The following TEAD4 variants were observed in gnomAD, a reference collection of about 807,000 sequenced individuals.
The protein encoded by TEAD4 is transcriptional enhancer factor TEF-3.
Under a neutral mutation model 52.4 loss-of-function variants are expected in TEAD4, and 36 were observed. The ratio of observed to expected loss-of-function variants is 0.69; its 90% confidence interval spans 0.53 to 0.91. The LOEUF (loss-of-function observed/expected upper bound fraction) is 0.91, where lower values mean the gene tolerates loss of function less well. Among genes scored for constraint, TEAD4 ranks in the 40% least tolerant of loss-of-function variants. The probability of loss-of-function intolerance (pLI) is 0.00; values close to 1 mark genes in which losing one functional copy is unlikely to be tolerated. For synonymous variants in TEAD4, 220 were observed against 231.0 expected (o/e 0.95, Z 0.43); for missense variants, 508 against 583.9 (o/e 0.87, Z 1.34).
chr12:3,039,238 T>C (rs150857233), intron 11 of TEAD4, among the ~76,000 whole-genome samples: 77 of 152,300 alleles, frequency 5.1e-4, no homozygotes, highest in East Asian at 4.6e-3. Context: ...CAGGCATTAG[T>C]GGTTTTTAAA....
intron 10 of TEAD4, among the ~76,000 whole-genome samples, chr12:3,023,974 A>G (rs1418601638): frequency 1.3e-5 from 2 of 152,028 alleles, no homozygotes; most frequent in East Asian, 3.9e-4. Flanking sequence ...TTATATTTTC[A>G]TTTCATTATG....
At position 2,994,646 on chromosome 12, in the gene TEAD4, A is replaced by T; in HGVS notation, c.-29-92A>T. On this transcript the variant is annotated intron_variant, in intron 2 of 12. Coordinates refer to ENST00000359864, the MANE Select transcript of TEAD4 (RefSeq NM_003213.4). The surrounding 1 kb of genome is among the most constrained non-coding windows in gnomAD (Gnocchi z 4.7). Reference sequence around the variant, plus strand: ...TCACGCTTTGCTTCCTGAGCAACTGATTCGGGCTCTGGCACTCCCCGGAGT... The same window carrying T: ...TCACGCTTTGCTTCCTGAGCAACTGTTTCGGGCTCTGGCACTCCCCGGAGT... 2 of 1,435,794 alleles carry T rather than the reference A, an allele frequency of 1.4e-6. No individual in the cohort carries two copies. Among genetic ancestry groups the T allele is most frequent in the Non-Finnish European group, 9.1e-7 (1 of 1,095,768 alleles). The allele number at this position is 1,435,794 out of a possible 1,614,324, so 88.9% of individuals were successfully genotyped here.
At chr12:2,996,157 A>G (rs1356988544) in intron 3 of TEAD4, among the ~76,000 whole-genome samples, 1 of 152,192 alleles carries the variant, frequency 6.6e-6, no homozygotes, top group Non-Finnish European at 1.5e-5. Context: ...GTGGGTCTCT[A>G]AATGGCTGAA....
chr12:3,024,611 C>A (rs1040369051), intron 10 of TEAD4, among the ~76,000 whole-genome samples: 11 of 152,028 alleles, frequency 7.2e-5, no homozygotes, highest in Non-Finnish European at 1.5e-4. Flanking sequence ...GAGCCAAAAT[C>A]GCACCATTGC....
At chr12:2,995,046 C>T in intron 3 of TEAD4, 54 bp downstream of exon 3, 1 of 1,572,970 alleles carries the variant, frequency 6.4e-7, no homozygotes, top group Non-Finnish European at 8.6e-7. Flanking sequence ...AAGGGGCCGA[C>T]ACCAGAACCT....
intron 3 of TEAD4, among the ~76,000 whole-genome samples, chr12:2,997,118 G>T (rs960873315): frequency 3.9e-5 from 6 of 152,178 alleles, no homozygotes; most frequent in African/African-American, 1.4e-4. Flanking sequence ...CTTCCGTCTT[G>T]TGGCTCATGA....
At chr12:2,966,743 A>C (rs910413936) in intron 2 of TEAD4, among the ~76,000 whole-genome samples, 1 of 141,476 alleles carries the variant, frequency 7.1e-6, no homozygotes, top group Non-Finnish European at 1.5e-5. Flanking sequence ...GTCTCGCCCT[A>C]TTGCCTAGGC....
At position 2,994,541 on chromosome 12, in the gene TEAD4, C is replaced by T. The variant is rs1409857216; in HGVS notation, c.-29-197C>T. On this transcript the variant is annotated intron_variant, in intron 2 of 12. Coordinates refer to ENST00000359864, the MANE Select transcript of TEAD4 (RefSeq NM_003213.4). The surrounding 1 kb of genome is among the most constrained non-coding windows in gnomAD (Gnocchi z 4.7). ...GAGTGCCTAGGTCATTGTGCTCATT[C>T]GACAGATGGGAAGATGAGCTCTCCA... Among the ~76,000 whole-genome samples the T allele has an allele frequency of 1.3e-5, 2 of 152,180 alleles. No homozygotes were observed. The highest frequency in any genetic ancestry group is 1.9e-4 in the East Asian group (1 of 5,196).
At chr12:3,024,019 C>T (rs569495157) in intron 10 of TEAD4, among the ~76,000 whole-genome samples, 1 of 151,962 alleles carries the variant, frequency 6.6e-6, no homozygotes, top group Non-Finnish European at 1.5e-5. Flanking sequence ...TCACTTTTCC[C>T]CCTCATCATC....
chr12:3,015,508 C>T (rs1427113428), intron 5 of TEAD4, among the ~76,000 whole-genome samples: 3 of 152,224 alleles, frequency 2.0e-5, no homozygotes, highest in African/African-American at 7.2e-5. Context: ...TGCACGGCAC[C>T]AGGATGGCGG....
chr12:2,975,143 C>A (rs4766016), intron 2 of TEAD4, among the ~76,000 whole-genome samples: 2 of 147,004 alleles, frequency 1.4e-5, no homozygotes, highest in Non-Finnish European at 3.0e-5. Flanking sequence ...GAAGAAAGGC[C>A]CCGAGGAGAA....
At chr12:3,010,027 G>A (rs2098259032) in intron 3 of TEAD4, among the ~76,000 whole-genome samples, 1 of 152,154 alleles carries the variant, frequency 6.6e-6, no homozygotes, top group Admixed American at 6.5e-5. Context: ...GCAGCACAGG[G>A]CGGGCTGGCA....
At chr12:3,016,702 G>A (rs1470655690) in intron 5 of TEAD4, among the ~76,000 whole-genome samples, 3 of 152,042 alleles carry the variant, frequency 2.0e-5, no homozygotes, top group African/African-American at 7.2e-5. Flanking sequence ...TTTGGAATTC[G>A]GGCACTCAGG....
intron 3 of TEAD4, among the ~76,000 whole-genome samples, chr12:3,002,704 G>T (rs1389892763): frequency 6.6e-6 from 1 of 152,220 alleles, no homozygotes; most frequent in Non-Finnish European, 1.5e-5. Context: ...CACAGCACGG[G>T]GTGAGGGGAA....
intron 5 of TEAD4, among the ~76,000 whole-genome samples, chr12:3,016,149 C>T (rs891948646): frequency 4.6e-5 from 7 of 152,116 alleles, no homozygotes; most frequent in African/African-American, 1.7e-4. Context: ...CACCTCAGCT[C>T]CTTGAGTAGC....
chr12:3,035,823 C>CAAA lies in TEAD4; in HGVS notation c.898-2132_898-2130dup, dbSNP rs760133553. 4.7e-3 allele frequency among the ~76,000 whole-genome samples: 564 copies of CAAA among 120,808 alleles called. 7 individuals carry two copies. The highest frequency in any genetic ancestry group is 0.015 in the African/African-American group (499 of 33,742). 79.3% of individuals were successfully genotyped at this position (120,808 alleles called of 152,430 possible). A position where few individuals can be genotyped will look rare whatever the true frequency, so the allele number is the denominator to read the frequency against. On this transcript the variant is annotated intron_variant, in intron 10 of 12. Transcript: ENST00000359864. Reference sequence around the variant, plus strand: ...TGACAGAACAAGATTCTGTCTTTAACAAAAAAAAAAAAAAAGAAGAAGAAG... The same window carrying CAAA: ...TGACAGAACAAGATTCTGTCTTTAACAAAAAAAAAAAAAAAAAAGAAGAAGAAG...
intron 3 of TEAD4, among the ~76,000 whole-genome samples, chr12:3,004,983 A>G (rs1026728491): frequency 6.6e-6 from 1 of 152,214 alleles, no homozygotes; most frequent in African/African-American, 2.4e-5. Flanking sequence ...CCTGACCAGC[A>G]CAACGAGGCT....
chr12:3,010,010 C>T (rs1207453569), intron 3 of TEAD4, among the ~76,000 whole-genome samples: 1 of 152,202 alleles, frequency 6.6e-6, no homozygotes, highest in East Asian at 1.9e-4. Flanking sequence ...CAAGCCCTCC[C>T]GGTTCCGCAG....
At chr12:2,991,250 C>T (rs1010970351) in intron 2 of TEAD4, among the ~76,000 whole-genome samples, 4 of 152,182 alleles carry the variant, frequency 2.6e-5, no homozygotes, top group Non-Finnish European at 2.9e-5. Flanking sequence ...AAAAAACCAG[C>T]TTCCTCATTA....
Sources: allele counts gnomAD v4.1 joint callset (sites outside exome capture counted in the v4.1 genomes callset), GRCh38; gene constraint gnomAD v4.1.1; non-coding constraint Gnocchi (gnomAD v3.1); transcripts MANE v1.5; gene names NCBI Gene and HGNC (gene_info 2026-07-23, HGNC 2026-07-21).